Variants in PRKCQ observed in about 807,000 individuals in gnomAD.
The protein encoded by PRKCQ is protein kinase C theta type.
A neutral mutation model predicts 91.2 loss-of-function variants in PRKCQ; 41 were observed. The observed-to-expected ratio is 0.45, with a 90% confidence interval of 0.35 to 0.58. The LOEUF is 0.58. PRKCQ is among the 20% of genes least tolerant of loss of function. PRKCQ has a pLI of 0.00. For synonymous variants in PRKCQ, 307 were observed against 316.9 expected, an observed-to-expected ratio of 0.97 and a Z score of 0.33; for missense variants, 673 against 896.5, an observed-to-expected ratio of 0.75 and a Z score of 3.18.
At chr10:6,452,504 A>C (rs1834750046) in intron 15 of PRKCQ, among the ~76,000 whole-genome samples, 1 of 151,692 alleles carries the variant, frequency 6.6e-6, no homozygotes, top group Non-Finnish European at 1.5e-5. Flanking sequence ...TGCCCAAGGT[A>C]ATTTATAGAT....
the PRKCQ span, among the ~76,000 whole-genome samples, chr10:6,396,666 A>C: frequency 7.2e-5 from 11 of 152,150 alleles, no homozygotes; most frequent in Non-Finnish European, 1.6e-4. Context: ...ATGGCACTAC[A>C]TTTGTCTATC....
chr10:6,531,297 T>C lies in PRKCQ; in HGVS notation c.-9-16153A>G, dbSNP rs75720566. Among the ~76,000 whole-genome samples the C allele has an allele frequency of 6.0e-3, 912 of 152,104 alleles. 31 individuals carry two copies. In the East Asian group the frequency reaches 0.082, roughly 14 times the overall value. On this transcript the variant is annotated intron_variant, in intron 1 of 17. Transcript: ENST00000263125. ...TCTATTTGCTCAGAATCCAGCACAG[T>C]GCCTGGTGGTTCTAAATCAGTGGTT...
rs372829222 is a variant in PRKCQ, at chr10:6,483,613, G to A, written c.1019-13C>T. The A allele has an allele frequency of 1.2e-5, 19 of 1,612,906 alleles. No homozygotes were observed. The highest frequency in any genetic ancestry group is 1.4e-5 in the Non-Finnish European group (17 of 1,179,594). On this transcript the variant is annotated splice_polypyrimidine_tract_variant and intron_variant, in intron 10 of 17. Coordinates refer to ENST00000263125, the MANE Select transcript of PRKCQ (RefSeq NM_006257.5). ...ATGCCCTGAGGCTCTGAAAATGCAA[G>A]CTGGTGGTTAAAAATGAACATGGAG...
chr10:6,431,107 A>C (rs745962695), intron 16 of PRKCQ, among the ~76,000 whole-genome samples, 169 bp from the exon 17 acceptor site: 7 of 152,168 alleles, frequency 4.6e-5, no homozygotes, highest in Non-Finnish European at 1.0e-4. Flanking sequence ...TCCCTTGAAG[A>C]AGCCTTTCTA....
At chr10:6,420,327 T>TGGAC in the PRKCQ span, among the ~76,000 whole-genome samples, 7 of 152,186 alleles carry the variant, frequency 4.6e-5, no homozygotes, top group Non-Finnish European at 8.8e-5. Context: ...CTGCTTTGTG[T>TGGAC]GGACGCTCCA....
chr10:6,574,479 T>TA (rs1464286965), intron 1 of PRKCQ, among the ~76,000 whole-genome samples: 1 of 152,198 alleles, frequency 6.6e-6, no homozygotes, highest in Non-Finnish European at 1.5e-5. Context: ...TTTCACTCTA[T>TA]AAACAGTCCC....
the PRKCQ span, among the ~76,000 whole-genome samples, chr10:6,406,859 G>A: frequency 6.6e-6 from 1 of 152,314 alleles, no homozygotes; most frequent in East Asian, 1.9e-4. Context: ...ATGTTTGGTT[G>A]ATCTAGTGTA....
intron 1 of PRKCQ, among the ~76,000 whole-genome samples, chr10:6,569,229 TC>T (rs1840945226): frequency 1.3e-5 from 2 of 151,336 alleles, no homozygotes; most frequent in South Asian, 4.2e-4. Flanking sequence ...GTGGATCCAG[TC>T]CTCAGGGAGT....
In PRKCQ at chr10:6,490,123, C is replaced by G. The variant is rs369926388; in HGVS notation, c.790+1560G>C. ...TCTTGAACAGGGGTGTAGAGAAAAG[C>G]GTGTCAGTGTCCTTTGGGGCCAGGA... On this transcript the variant is annotated intron_variant, in intron 8 of 17. Coordinates refer to ENST00000263125, the MANE Select transcript of PRKCQ (RefSeq NM_006257.5). 9.5e-3 allele frequency among the ~76,000 whole-genome samples: 1,443 copies of G among 152,156 alleles called. 22 individuals are homozygous for G. Among genetic ancestry groups the G allele is most frequent in the African/African-American group, 0.034 (1,392 of 41,492 alleles).
At position 6,486,019 on chromosome 10, in the gene PRKCQ, C is replaced by A. The variant is rs200485364; in HGVS notation, c.900+16G>T. The A allele has an allele frequency of 3.1e-6, 5 of 1,603,720 alleles. No homozygotes were observed. Among genetic ancestry groups the A allele is most frequent in the Non-Finnish European group, 4.3e-6 (5 of 1,172,040 alleles). On this transcript the variant is annotated intron_variant, in intron 9 of 17. Transcript: ENST00000263125. The stretch of plus-strand genomic sequence containing the variant: ...AGCGGCCATGGCGGGAACGTGTCCA[C>A]GGCACATGCTCCTACCTGTTGAGTG...
At chr10:6,543,821 CAT>C (rs1839857651) in intron 1 of PRKCQ, among the ~76,000 whole-genome samples, 1 of 152,210 alleles carries the variant, frequency 6.6e-6, no homozygotes. Flanking sequence ...CTGCCACTCC[CAT>C]GCACCGCGCA....
intron 14 of PRKCQ, among the ~76,000 whole-genome samples, chr10:6,460,467 A>T (rs1835260338): frequency 6.6e-6 from 1 of 150,628 alleles, no homozygotes; most frequent in Non-Finnish European, 1.5e-5. Context: ...CCTAATTTTT[A>T]TTCCTACTTC....
At chr10:6,536,205 C>T (rs982461200) in intron 1 of PRKCQ, among the ~76,000 whole-genome samples, 1 of 152,190 alleles carries the variant, frequency 6.6e-6, no homozygotes, top group Admixed American at 6.5e-5. Flanking sequence ...CTGCACTGAG[C>T]CTGGGTGGTC....
At chr10:6,433,140 C>T (rs1414384329) in intron 16 of PRKCQ, among the ~76,000 whole-genome samples, 1 of 152,214 alleles carries the variant, frequency 6.6e-6, no homozygotes, top group African/African-American at 2.4e-5. Flanking sequence ...GTGCTAGATG[C>T]CTCAGTGATT....
At chr10:6,548,318 A>G (rs903037086) in intron 1 of PRKCQ, among the ~76,000 whole-genome samples, 3 of 152,052 alleles carry the variant, frequency 2.0e-5, no homozygotes, top group Non-Finnish European at 4.4e-5. Context: ...TGTGGAAGTC[A>G]GTGTGGCGAT....
chr10:6,425,837 G>T (rs1833106619), downstream of PRKCQ, among the ~76,000 whole-genome samples: 1 of 152,060 alleles, frequency 6.6e-6, no homozygotes, highest in Non-Finnish European at 1.5e-5. Flanking sequence ...ATGATGAATA[G>T]ACCTTATTTT....
chr10:6,448,106 T>C (rs1209230914), intron 15 of PRKCQ, among the ~76,000 whole-genome samples: 1 of 152,160 alleles, frequency 6.6e-6, no homozygotes, highest in African/African-American at 2.4e-5. Flanking sequence ...AGGTGGGGAA[T>C]TCAGTATACA....
rs1337736021 is a variant in PRKCQ at position 6,483,469 on chromosome 10, T to C, written c.1150A>G (p.Lys384Glu). Residue 384 changes from lysine (K) to glutamate (E), a missense_variant, in exon 11 of 18, where the codon AAA becomes GAA. By Grantham distance (56) the Lys-to-Glu change is moderately conservative. Coordinates refer to ENST00000263125, the MANE Select transcript of PRKCQ (RefSeq NM_006257.5). ...KLKIEDFILH[K>E]MLGKGSFGKV... ...CCAAAACTTCCTTTCCCCAACATTT[T>C]GTGCAAGATAAAATCCTCAATTTTT... 2.5e-6 allele frequency: 4 copies of C among 1,614,250 alleles called. No individual in the cohort carries two copies. The South Asian group carries it at 4.4e-5, about 18-fold the overall frequency.
intron 1 of PRKCQ, among the ~76,000 whole-genome samples, chr10:6,532,432 A>G (rs1297386859): frequency 3.3e-5 from 5 of 152,230 alleles, no homozygotes; most frequent in Admixed American, 3.3e-4. Flanking sequence ...GACAAGAGAC[A>G]TTGCTTGAAA....
Sources: allele counts gnomAD v4.1 joint callset (sites outside exome capture counted in the v4.1 genomes callset), GRCh38; gene constraint gnomAD v4.1.1; transcripts MANE v1.5; gene names NCBI Gene and HGNC (gene_info 2026-07-23, HGNC 2026-07-21).